The following AFAP1 variants were observed in gnomAD, a reference collection of about 807,000 sequenced individuals.
AFAP1 encodes actin filament associated protein 1.
Under a neutral mutation model 93.9 loss-of-function variants are expected in AFAP1, and 75 were observed. The observed-to-expected ratio is 0.80, with a 90% CI of 0.66 to 0.97. The LOEUF is 0.97. Ranked by LOEUF, AFAP1 falls within the 50% of genes least tolerant of loss-of-function variation. The pLI is 0.00. For synonymous variants in AFAP1, 517 were observed against 430.7 expected (o/e 1.20, Z -2.48); for missense variants, 1,201 against 1,050.8 (o/e 1.14, Z -1.98).
chr4:7,773,115 T>G (rs771916863), intron 15 of AFAP1, 105 bp from the exon 16 acceptor site: 84 of 1,464,568 alleles, frequency 5.7e-5, no homozygotes, highest in Non-Finnish European at 7.3e-5. Context: ...ACGTCTGAGG[T>G]CGAGCTCCCC....
rs567110330 is a variant in AFAP1 at position 7,876,524 on chromosome 4, G to A, written c.-2-4444C>T. ...AACCAGGGCAAGTGCAAGTACACGGGTGCAAAGGACAGAAGCCAGCACTGG... is the reference window on the plus strand; with the variant it reads ...AACCAGGGCAAGTGCAAGTACACGGATGCAAAGGACAGAAGCCAGCACTGG... On this transcript the variant is annotated intron_variant, in intron 1 of 17. Coordinates refer to ENST00000420658, the MANE Select transcript of AFAP1 (RefSeq NM_001134647.2). Among the ~76,000 whole-genome samples the A allele has an allele frequency of 6.6e-5, 10 of 152,252 alleles. No individual in the cohort carries two copies. In the East Asian group the frequency reaches 1.2e-3, roughly 18 times the overall value.
Position 7,855,532 on chromosome 4 carries a change from G to A in AFAP1, c.268C>T (p.Pro90Ser), listed in dbSNP as rs767803824. ...GPPPLPTSSL[P>S]EGYYEEAVPL... is the part of the protein sequence containing the mutation. ...ACAGCTTCCTCATAATAACCTTCTG[G>A]GAGGGAGGATGTTGGCAATGGTGGA... The change falls in exon 4 of 18, where the codon CCA becomes TCA. Residue 90 changes from proline (P) to serine (S), a missense_variant. By Grantham distance (74) the Pro-to-Ser change is moderately conservative. Transcript: ENST00000420658. 6 of 1,614,024 alleles carry A rather than the reference G, an allele frequency of 3.7e-6. No homozygotes were observed. In the Admixed American group the frequency reaches 5.0e-5, roughly 13 times the overall value.
intron 9 of AFAP1, 141 bp from the exon 10 acceptor site, chr4:7,800,794 C>A: frequency 1.2e-6 from 1 of 840,900 alleles, no homozygotes; most frequent in Non-Finnish European, 1.9e-6. Flanking sequence ...GCTTTAAATG[C>A]AAATTCGCAT....
chr4:7,859,275 C>G (rs1229503464), intron 3 of AFAP1, among the ~76,000 whole-genome samples: 1 of 151,974 alleles, frequency 6.6e-6, no homozygotes, highest in African/African-American at 2.4e-5. Context: ...AAAAATTAGC[C>G]GAGTGTGGTG....
At chr4:7,782,495 G>C (rs1160778949) in intron 12 of AFAP1, among the ~76,000 whole-genome samples, 1 of 152,226 alleles carries the variant, frequency 6.6e-6, no homozygotes, top group Non-Finnish European at 1.5e-5. Flanking sequence ...GGATATAATG[G>C]TTTTATTTTA....
chr4:7,928,629 G>A (rs1163432819), intron 1 of AFAP1, among the ~76,000 whole-genome samples: 1 of 152,034 alleles, frequency 6.6e-6, no homozygotes, highest in African/African-American at 2.4e-5. Context: ...CTCATGATTC[G>A]CCCACCTTGG....
chr4:7,915,587 G>C (rs189980276), intron 1 of AFAP1, among the ~76,000 whole-genome samples: 3 of 152,356 alleles, frequency 2.0e-5, no homozygotes, highest in East Asian at 1.9e-4. Flanking sequence ...GCCTGATTCA[G>C]AGACAATCTG....
chr4:7,831,816 G>A (rs757142641), intron 6 of AFAP1, among the ~76,000 whole-genome samples: 2 of 152,170 alleles, frequency 1.3e-5, no homozygotes, highest in Non-Finnish European at 1.5e-5. Context: ...GCATGGGATC[G>A]GGTGAAGAAA....
chr4:7,895,332 G>A (rs1430173452), intron 1 of AFAP1, among the ~76,000 whole-genome samples: 2 of 152,122 alleles, frequency 1.3e-5, no homozygotes, highest in Non-Finnish European at 2.9e-5. Flanking sequence ...ACAGTCCTTA[G>A]CTCGTAAGAA....
At chr4:7,779,892 C>A (rs552326413) in intron 13 of AFAP1, among the ~76,000 whole-genome samples, 2 of 152,202 alleles carry the variant, frequency 1.3e-5, no homozygotes, top group Admixed American at 6.5e-5. Flanking sequence ...GACAGGAAAC[C>A]CAGAGGTCAT....
In AFAP1 at chr4:7,934,769, C is replaced by T. The variant is rs551065372; in HGVS notation, c.-3+4887G>A. ...AAATGTGATGCTTTGCTGACCTTGA[C>T]CTCTGACTGCCCTTTAGTTTTCCCA... On this transcript the variant is annotated intron_variant, in intron 1 of 17. Coordinates refer to ENST00000420658, the MANE Select transcript of AFAP1 (RefSeq NM_001134647.2). Among the ~76,000 whole-genome samples the T allele has an allele frequency of 1.0e-3, 158 of 152,322 alleles. 1 individual carries two copies. The highest frequency in any genetic ancestry group is 3.4e-3 in the Middle Eastern group (1 of 294).
intron 11 of AFAP1, among the ~76,000 whole-genome samples, chr4:7,787,237 G>T (rs1176862559): frequency 6.6e-6 from 1 of 152,242 alleles, no homozygotes; most frequent in African/African-American, 2.4e-5. Context: ...GCGGTGCCGG[G>T]AGCGTGGTGC....
chr4:7,860,859 C>T (rs1289080559), intron 3 of AFAP1, among the ~76,000 whole-genome samples: 5 of 152,166 alleles, frequency 3.3e-5, no homozygotes, highest in African/African-American at 1.2e-4. Flanking sequence ...CTTAGGAAGA[C>T]TCTCCTCCCC....
chr4:7,788,080 C>A (rs997262059), intron 11 of AFAP1, among the ~76,000 whole-genome samples: 7 of 152,230 alleles, frequency 4.6e-5, no homozygotes, highest in African/African-American at 1.7e-4. Context: ...GCCTCAGGAG[C>A]GCAGGGACCA....
At chr4:7,824,014 A>AG (rs1721209208) in intron 6 of AFAP1, among the ~76,000 whole-genome samples, 1 of 152,208 alleles carries the variant, frequency 6.6e-6, no homozygotes, top group Non-Finnish European at 1.5e-5. Flanking sequence ...CCAGTCGGAG[A>AG]GGTCAGGTTA....
rs533000885 is a variant in AFAP1 at position 7,831,818 on chromosome 4, G to A, written c.726+6706C>T. Among the ~76,000 whole-genome samples, 17 of 152,332 alleles carry A rather than the reference G, an allele frequency of 1.1e-4. No individual in the cohort carries two copies. The South Asian group carries it at 3.5e-3, about 32-fold the overall frequency. On this transcript the variant is annotated intron_variant, in intron 6 of 17. Coordinates refer to ENST00000420658, the MANE Select transcript of AFAP1 (RefSeq NM_001134647.2). ...CAGGTGACCAAAAGCATGGGATCGG[G>A]TGAAGAAAACAGAATCATACAGAAA...
chr4:7,776,270 G>A (rs781001889), intron 14 of AFAP1: 1 of 152,260 alleles, frequency 6.6e-6, no homozygotes, highest in South Asian at 2.1e-4. Context: ...ACTCAGAGAG[G>A]TGGCTAGAAA....
At chr4:7,931,996 G>C (rs986988080) in intron 1 of AFAP1, among the ~76,000 whole-genome samples, 1 of 152,030 alleles carries the variant, frequency 6.6e-6, no homozygotes, top group Non-Finnish European at 1.5e-5. Context: ...GAGTAGCTGG[G>C]ACTACAGGCA....
At chr4:7,892,254 T>A (rs1718514988) in intron 1 of AFAP1, among the ~76,000 whole-genome samples, 1 of 152,096 alleles carries the variant, frequency 6.6e-6, no homozygotes. Flanking sequence ...ACTTAAGAAC[T>A]ACACAGGCCT....
Sources: gnomAD v4.1 joint callset for allele counts (sites outside exome capture counted in the v4.1 genomes callset) on GRCh38, gnomAD v4.1.1 for gene constraint, MANE v1.5 for transcripts, NCBI Gene and HGNC (gene_info 2026-07-23, HGNC 2026-07-21) for gene names.